SPECC1L: variants seen among roughly 807,000 people sequenced by gnomAD.
SPECC1L encodes the protein sperm antigen with calponin homology and coiled-coil domains 1 like.
A neutral mutation model predicts 116.8 loss-of-function variants in SPECC1L; 40 were observed. The ratio of observed to expected loss-of-function variants is 0.34; its 90% CI spans 0.27 to 0.45. The LOEUF is 0.45. Ranked by LOEUF, SPECC1L falls within the 20% of genes least tolerant of loss-of-function variation. The pLI, the probability that SPECC1L is intolerant of heterozygous loss-of-function variation, is 1.00. For missense variants in SPECC1L, 1,110 were observed against 1,373.6 expected (o/e 0.81, Z 3.03); for synonymous variants, 504 against 500.6 (o/e 1.01, Z -0.09).
At position 24,331,607 on chromosome 22, in the gene SPECC1L, A is replaced by G. The variant is rs62233125; in HGVS notation, c.2396+1176A>G. 7.8e-3 allele frequency among the ~76,000 whole-genome samples: 1,187 copies of G among 152,342 alleles called. 9 individuals are homozygous for G. Among genetic ancestry groups the G allele is most frequent in the South Asian group, 0.024 (116 of 4,830 alleles). On this transcript the variant is annotated intron_variant, in intron 8 of 16. Coordinates refer to ENST00000314328, the MANE Select transcript of SPECC1L (RefSeq NM_015330.6). Reference sequence around the variant, plus strand: ...TGAAAGAGGTAGCATCTTGTAGGACAGTGGTTCTCAGAGTGAGGCCTGCAG... The same window carrying G: ...TGAAAGAGGTAGCATCTTGTAGGACGGTGGTTCTCAGAGTGAGGCCTGCAG...
At chr22:24,326,163 G>T (rs1172426544) in intron 6 of SPECC1L, among the ~76,000 whole-genome samples, 1 of 152,132 alleles carries the variant, frequency 6.6e-6, no homozygotes, top group Non-Finnish European at 1.5e-5. Flanking sequence ...ACGTTGGCCA[G>T]GCTGGTCTCG....
intron 10 of SPECC1L, 118 bp from the exon 11 acceptor site, chr22:24,346,968 A>C: frequency 1.2e-6 from 1 of 825,876 alleles, no homozygotes; most frequent in Non-Finnish European, 2.1e-6. Context: ...CAACCTTACT[A>C]TAGCAGTATG....
At position 24,334,397 on chromosome 22, in the gene SPECC1L, ATAT is replaced by A; in HGVS notation, c.2397-8_2397-6del. The A allele has an allele frequency of 1.9e-6, 3 of 1,613,924 alleles. No individual in the cohort carries two copies. The highest frequency in any genetic ancestry group is 1.3e-5 in the African/African-American group (1 of 74,996). Reference sequence around the variant, plus strand: ...CCTATGTAAAAATGCTCTGATTTCAATATTATTTTCAGGCAAGAGGAGGAGCGA... The same window carrying A: ...CCTATGTAAAAATGCTCTGATTTCAATATTTTCAGGCAAGAGGAGGAGCGA... On this transcript the variant is annotated splice_polypyrimidine_tract_variant and intron_variant, in intron 8 of 16. Coordinates refer to ENST00000314328, the MANE Select transcript of SPECC1L (RefSeq NM_015330.6).
At chr22:24,315,804 A>T (rs1165042415) in intron 4 of SPECC1L, among the ~76,000 whole-genome samples, 1 of 152,228 alleles carries the variant, frequency 6.6e-6, no homozygotes, top group Non-Finnish European at 1.5e-5. Flanking sequence ...GGAAGCCAGA[A>T]GTCTGAAATG....
At chr22:24,307,042 C>T (rs1299028038) in intron 3 of SPECC1L, among the ~76,000 whole-genome samples, 1 of 152,108 alleles carries the variant, frequency 6.6e-6, no homozygotes, top group African/African-American at 2.4e-5. Flanking sequence ...TTTGTTTATC[C>T]ATTCATCTCT....
At chr22:24,286,496 A>G (rs1191680783) in intron 2 of SPECC1L, among the ~76,000 whole-genome samples, 1 of 152,242 alleles carries the variant, frequency 6.6e-6, no homozygotes, top group Non-Finnish European at 1.5e-5. Flanking sequence ...TATTGTATTA[A>G]TAATTGAGTC....
intron 10 of SPECC1L, among the ~76,000 whole-genome samples, chr22:24,346,164 G>A (rs990360115): frequency 1.3e-5 from 2 of 151,962 alleles, no homozygotes; most frequent in South Asian, 2.1e-4. Context: ...CTGCCACCAC[G>A]CCCAGCTAAT....
chr22:24,347,820 C>T (rs370729827), intron 11 of SPECC1L, among the ~76,000 whole-genome samples: 7 of 152,186 alleles, frequency 4.6e-5, no homozygotes, highest in Admixed American at 1.3e-4. Context: ...GGACTACAGG[C>T]GCACACCACC....
intron 14 of SPECC1L, among the ~76,000 whole-genome samples, chr22:24,398,046 C>A (rs1197790395): frequency 2.0e-5 from 3 of 152,264 alleles, no homozygotes; most frequent in Non-Finnish European, 4.4e-5. Flanking sequence ...AGATCTTCAT[C>A]TTTGGCCACA....
At chr22:24,390,307 T>C (rs937389131) in intron 14 of SPECC1L, among the ~76,000 whole-genome samples, 8 of 152,152 alleles carry the variant, frequency 5.3e-5, no homozygotes, top group Non-Finnish European at 1.0e-4. Flanking sequence ...TAGAGAAAGC[T>C]GGGAGTTCTT....
intron 2 of SPECC1L, among the ~76,000 whole-genome samples, chr22:24,296,921 C>T (rs1428684418): frequency 1.3e-5 from 2 of 151,038 alleles, no homozygotes; most frequent in Non-Finnish European, 3.0e-5. Flanking sequence ...AGAACTTTTC[C>T]TATGATCTGC....
At chr22:24,376,728 T>A (rs1249497647) in intron 14 of SPECC1L, among the ~76,000 whole-genome samples, 1 of 152,070 alleles carries the variant, frequency 6.6e-6, no homozygotes, top group Non-Finnish European at 1.5e-5. Flanking sequence ...TCAAGTTTTG[T>A]TGAACGGCAG....
At chr22:24,391,235 A>G (rs1351416963) in intron 14 of SPECC1L, among the ~76,000 whole-genome samples, 2 of 152,100 alleles carry the variant, frequency 1.3e-5, no homozygotes, top group African/African-American at 4.8e-5. Context: ...GTCCCAGTGA[A>G]GTGAAAGAAC....
At chr22:24,281,341 A>T (rs2048939211) in intron 2 of SPECC1L, among the ~76,000 whole-genome samples, 2 of 152,224 alleles carry the variant, frequency 1.3e-5, no homozygotes, top group Non-Finnish European at 2.9e-5. Context: ...ACATTCTACA[A>T]AAAAGCTCCT....
intron 14 of SPECC1L, among the ~76,000 whole-genome samples, chr22:24,381,777 G>C (rs1480506968): frequency 6.6e-6 from 1 of 152,118 alleles, no homozygotes; most frequent in Admixed American, 6.5e-5. Context: ...CCAGCTACTC[G>C]GGAGGCTAAG....
At chr22:24,406,563 C>T (rs771108730) in intron 14 of SPECC1L, among the ~76,000 whole-genome samples, 18 of 152,202 alleles carry the variant, frequency 1.2e-4, no homozygotes, top group East Asian at 3.9e-4. Flanking sequence ...GGATAGCTGG[C>T]GGGTTGTGTG....
At chr22:24,271,330 G>A (rs2048722522) in intron 1 of SPECC1L, among the ~76,000 whole-genome samples, 1 of 152,206 alleles carries the variant, frequency 6.6e-6, no homozygotes, top group Admixed American at 6.5e-5. Flanking sequence ...CCTTTCCGCC[G>A]CTCCGGGAGA....
At chr22:24,390,493 A>G (rs1320572200) in intron 14 of SPECC1L, among the ~76,000 whole-genome samples, 1 of 152,228 alleles carries the variant, frequency 6.6e-6, no homozygotes, top group East Asian at 1.9e-4. Context: ...ATCTGAATCA[A>G]ATCTAGGTTG....
At chr22:24,374,482 T>C (rs2041933143) in intron 14 of SPECC1L, among the ~76,000 whole-genome samples, 1 of 151,640 alleles carries the variant, frequency 6.6e-6, no homozygotes, top group South Asian at 2.1e-4. Flanking sequence ...GGGACACGGA[T>C]GAAGCTGGAA....
Sources: gnomAD v4.1 joint callset for allele counts (sites outside exome capture counted in the v4.1 genomes callset) on GRCh38, gnomAD v4.1.1 for gene constraint, MANE v1.5 for transcripts, NCBI Gene and HGNC (gene_info 2026-07-23, HGNC 2026-07-21) for gene names.